The following KLHL20 variants were observed in gnomAD, a reference collection of about 807,000 sequenced individuals.
KLHL20 encodes the protein kelch-like protein 20.
A neutral mutation model predicts 69.5 loss-of-function variants in KLHL20; 29 were observed. The ratio of observed to expected loss-of-function variants is 0.42; its 90% CI spans 0.31 to 0.57. The LOEUF is 0.57. Ranked by LOEUF, KLHL20 falls within the 20% of genes least tolerant of loss-of-function variation. The pLI is 0.18. For missense variants in KLHL20, 419 were observed against 776.0 expected, an observed-to-expected ratio of 0.54 and a Z score of 5.47; for synonymous variants, 253 against 265.2, an observed-to-expected ratio of 0.95 and a Z score of 0.45.
chr1:173,783,439 A>T (rs1415070152), intron 11 of KLHL20, among the ~76,000 whole-genome samples: 4 of 152,216 alleles, frequency 2.6e-5, no homozygotes, highest in Non-Finnish European at 5.9e-5. Context: ...ACAGAGATTT[A>T]AGTGACATGC....
chr1:173,754,860 G>T (rs1383398423), intron 5 of KLHL20, among the ~76,000 whole-genome samples: 1 of 152,088 alleles, frequency 6.6e-6, no homozygotes, highest in South Asian at 2.1e-4. Flanking sequence ...GATGATAATA[G>T]TGCCTATTCC....
intron 4 of KLHL20, among the ~76,000 whole-genome samples, chr1:173,752,236 A>G (rs966755550): frequency 1.3e-5 from 2 of 148,354 alleles, no homozygotes; most frequent in Non-Finnish European, 3.0e-5. Flanking sequence ...CTCCATCTCA[A>G]AAAAAAAAAA....
At chr1:173,777,544 GGTCT>G (rs1188689226) in intron 10 of KLHL20, among the ~76,000 whole-genome samples, 1 of 152,038 alleles carries the variant, frequency 6.6e-6, no homozygotes, top group African/African-American at 2.4e-5. Flanking sequence ...GCTATCTGTG[GGTCT>G]GTCATATATG....
chr1:173,761,771 C>T (rs1261645063), intron 7 of KLHL20, among the ~76,000 whole-genome samples: 1 of 152,098 alleles, frequency 6.6e-6, no homozygotes, highest in East Asian at 1.9e-4. Flanking sequence ...GCCCTAAATG[C>T]CTACATCAAA....
intron 7 of KLHL20, among the ~76,000 whole-genome samples, chr1:173,761,972 A>C (rs931031839): frequency 6.6e-6 from 1 of 152,170 alleles, no homozygotes; most frequent in African/African-American, 2.4e-5. Flanking sequence ...TTGATAGACC[A>C]TTACCAAGAT....
intron 10 of KLHL20, among the ~76,000 whole-genome samples, chr1:173,781,720 G>A (rs961243923): frequency 6.6e-6 from 1 of 152,124 alleles, no homozygotes; most frequent in African/African-American, 2.4e-5. Context: ...TCCCACCTGG[G>A]CCTTCCCAAA....
intron 5 of KLHL20, among the ~76,000 whole-genome samples, chr1:173,753,709 G>A (rs2102501304): frequency 6.6e-6 from 1 of 152,138 alleles, no homozygotes; most frequent in East Asian, 1.9e-4. Flanking sequence ...AATAGAATCA[G>A]CCTTGCTTTC....
intron 10 of KLHL20, 182 bp from the exon 11 acceptor site, chr1:173,781,922 GAATATTCTAATTGAATATAT>G: frequency 2.1e-6 from 1 of 466,714 alleles, no homozygotes; most frequent in Non-Finnish European, 3.9e-6. Flanking sequence ...GATTCTGTGT[GAATATTCTAATTGAATATAT>G]AATTTTATAG....
intron 3 of KLHL20, among the ~76,000 whole-genome samples, chr1:173,735,727 G>A (rs1343030218): frequency 1.3e-5 from 2 of 152,018 alleles, no homozygotes; most frequent in Non-Finnish European, 2.9e-5. Context: ...CGTACCCAAT[G>A]TGTAGTCTTT....
intron 2 of KLHL20, among the ~76,000 whole-genome samples, chr1:173,721,714 G>C (rs567825382): frequency 6.6e-6 from 1 of 152,162 alleles, no homozygotes; most frequent in Admixed American, 6.5e-5. Flanking sequence ...CAAATAAAGA[G>C]GTTAATAGCT....
chr1:173,720,171 A>G (rs1451466273), intron 2 of KLHL20, among the ~76,000 whole-genome samples: 1 of 152,230 alleles, frequency 6.6e-6, no homozygotes, highest in African/African-American at 2.4e-5. Flanking sequence ...CAGAATTTTA[A>G]TAGAGATGTA....
intron 7 of KLHL20, among the ~76,000 whole-genome samples, chr1:173,761,758 A>G (rs1253121358): frequency 6.6e-6 from 1 of 152,216 alleles, no homozygotes; most frequent in Non-Finnish European, 1.5e-5. Flanking sequence ...AGGAAAGTTC[A>G]TAGCCCTAAA....
intron 6 of KLHL20, 135 bp downstream of exon 6, chr1:173,756,173 A>G (rs1306309309): frequency 2.1e-5 from 13 of 632,666 alleles, no homozygotes; most frequent in Non-Finnish European, 3.7e-5. Context: ...AGCTTGACTC[A>G]TAACCCATGA....
chr1:173,727,310 A>G (rs1377665101), intron 2 of KLHL20, among the ~76,000 whole-genome samples: 1 of 152,212 alleles, frequency 6.6e-6, no homozygotes, highest in Non-Finnish European at 1.5e-5. Context: ...AATGGAACCA[A>G]GTTGGAAAAC....
intron 10 of KLHL20, among the ~76,000 whole-genome samples, chr1:173,776,150 C>T (rs554904942): frequency 7.6e-4 from 116 of 152,292 alleles, no homozygotes; most frequent in African/African-American, 2.6e-3. Context: ...GATGACATCT[C>T]ATTGTAATTT....
chr1:173,759,353 A>G (rs914346084), intron 7 of KLHL20, among the ~76,000 whole-genome samples: 2 of 151,976 alleles, frequency 1.3e-5, no homozygotes, highest in Admixed American at 1.3e-4. Context: ...GACCCCACCT[A>G]CCACCAGTCT....
intron 2 of KLHL20, among the ~76,000 whole-genome samples, chr1:173,723,510 T>C (rs1421322508): frequency 1.3e-5 from 2 of 152,222 alleles, no homozygotes; most frequent in Non-Finnish European, 2.9e-5. Context: ...AGAATGTCCT[T>C]ATAGATTTTT....
chr1:173,774,404 A>G lies in KLHL20; in HGVS notation c.1395A>G (p.Val465=), dbSNP rs748740831. The change falls in exon 9 of 12, where the codon GTA becomes GTG. Residue 465 remains valine, a synonymous_variant. Transcript: ENST00000209884. ...TGTTAGGAGGGTTCTTATATGCTGT[A>G]GGTGGCTCTGACGGGACATCTCCTC... ...VAVLGGFLYA[V]GGSDGTSPLN... The G allele has an allele frequency of 6.2e-7, 1 of 1,614,174 alleles. No homozygotes were observed.
chr1:173,724,068 A>T (rs1671836431), intron 2 of KLHL20, among the ~76,000 whole-genome samples: 1 of 152,170 alleles, frequency 6.6e-6, no homozygotes, highest in South Asian at 2.1e-4. Context: ...ATATGTATAT[A>T]CCCATGATAT....
Sources: gnomAD v4.1 joint callset for allele counts (sites outside exome capture counted in the v4.1 genomes callset) on GRCh38, gnomAD v4.1.1 for gene constraint, MANE v1.5 for transcripts, NCBI Gene and HGNC (gene_info 2026-07-23, HGNC 2026-07-21) for gene names.